Variants in EYS observed in about 807,000 individuals in gnomAD.
EYS encodes the protein protein eyes shut homolog.
EYS carries 250 observed loss-of-function variants against 282.1 expected under a neutral mutation model. The ratio of observed to expected loss-of-function variants is 0.89; its 90% CI spans 0.80 to 0.98. EYS has a LOEUF of 0.98. Among genes scored for constraint, EYS ranks in the 50% least tolerant of loss-of-function variants. The probability of loss-of-function intolerance (pLI) is 0.00; values close to 1 mark genes in which losing one functional copy is unlikely to be tolerated. For synonymous variants in EYS, 1,355 were observed against 1,282.9 expected, an observed-to-expected ratio of 1.06 and a Z score of -1.20; for missense variants, 4,016 against 3,709.0, an observed-to-expected ratio of 1.08 and a Z score of -2.15.
intron 8 of EYS, among the ~76,000 whole-genome samples, chr6:65,354,758 G>C (rs112864047): frequency 6.6e-6 from 1 of 151,822 alleles, no homozygotes; most frequent in African/African-American, 2.4e-5. Context: ...CAGAGATTGC[G>C]GTGAGCTGAG....
chr6:63,883,337 A>C (rs944594190), intron 35 of EYS, among the ~76,000 whole-genome samples: 1 of 152,158 alleles, frequency 6.6e-6, no homozygotes, highest in Non-Finnish European at 1.5e-5. Flanking sequence ...TAATGTAACT[A>C]TGCTGACAGT....
intron 8 of EYS, among the ~76,000 whole-genome samples, chr6:65,357,144 T>A (rs1764516446): frequency 6.6e-6 from 1 of 151,972 alleles, no homozygotes; most frequent in African/African-American, 2.4e-5. Flanking sequence ...GTTGAGAGGC[T>A]CATCATTTCT....
At chr6:65,364,455 A>T (rs12210090) in intron 8 of EYS, among the ~76,000 whole-genome samples, 1 of 151,488 alleles carries the variant, frequency 6.6e-6, no homozygotes, top group East Asian at 1.9e-4. Flanking sequence ...AAATTTTTTC[A>T]AATAGTCCAC....
intron 26 of EYS, among the ~76,000 whole-genome samples, chr6:64,453,914 G>A (rs1376127527): frequency 1.3e-5 from 2 of 152,010 alleles, no homozygotes; most frequent in African/African-American, 2.4e-5. Flanking sequence ...GCTAAATGAC[G>A]AGTTAATGTG....
chr6:65,170,517 A>G (rs1172325180), intron 12 of EYS, among the ~76,000 whole-genome samples: 1 of 151,558 alleles, frequency 6.6e-6, no homozygotes, highest in Non-Finnish European at 1.5e-5. Flanking sequence ...AGAATTTATT[A>G]CAATTTCTGG....
intron 36 of EYS, among the ~76,000 whole-genome samples, chr6:63,830,501 A>G (rs1771599451): frequency 6.6e-6 from 1 of 152,172 alleles, no homozygotes; most frequent in Non-Finnish European, 1.5e-5. Flanking sequence ...GAAATGAAGC[A>G]AGAAGAGAAG....
chr6:64,033,875 G>T (rs1769987081), intron 33 of EYS, among the ~76,000 whole-genome samples: 1 of 150,740 alleles, frequency 6.6e-6, no homozygotes. Context: ...ATTGGGAGTG[G>T]ACTTACATTG....
chr6:64,662,662 C>T (rs1051694097), intron 22 of EYS, among the ~76,000 whole-genome samples: 1 of 152,112 alleles, frequency 6.6e-6, no homozygotes, highest in Non-Finnish European at 1.5e-5. Context: ...CAAATTTAGC[C>T]TTGCTTCGCT....
intron 35 of EYS, among the ~76,000 whole-genome samples, chr6:63,923,072 CTAAAG>C (rs1417913993): frequency 6.6e-6 from 1 of 152,098 alleles, no homozygotes; most frequent in Admixed American, 6.5e-5. Flanking sequence ...TGTAAGTTTG[CTAAAG>C]TAATGTTTCA....
intron 26 of EYS, among the ~76,000 whole-genome samples, chr6:64,449,015 T>G (rs572640219): frequency 6.6e-6 from 1 of 152,246 alleles, no homozygotes; most frequent in South Asian, 2.1e-4. Flanking sequence ...AGAATGACTT[T>G]GATGAGTTGA....
intron 12 of EYS, among the ~76,000 whole-genome samples, chr6:65,294,216 C>T (rs1466998219): frequency 1.3e-5 from 2 of 151,658 alleles, no homozygotes; most frequent in Non-Finnish European, 2.9e-5. Flanking sequence ...AAAGATTCCA[C>T]TTTTTGTGGG....
rs563452977 is a variant in EYS, at chr6:65,244,363, C to T, written c.2023+51500G>A. Among the ~76,000 whole-genome samples the T allele has an allele frequency of 7.5e-4, 114 of 152,206 alleles. 1 individual carries two copies. Among genetic ancestry groups the T allele is most frequent in the African/African-American group, 2.7e-3 (111 of 41,548 alleles). ...TCACTTTACCTACAAATTAAATTAG[C>T]ACATAAGTTATTCTTTAAAACCTAC... is the stretch of plus-strand genomic sequence containing the variant. On this transcript the variant is annotated intron_variant, in intron 12 of 42. Transcript: ENST00000503581.
chr6:64,157,494 C>T (rs183083712), intron 31 of EYS, among the ~76,000 whole-genome samples: 291 of 152,246 alleles, frequency 1.9e-3, no homozygotes, highest in Admixed American at 4.8e-3. Context: ...CAGGGCATGC[C>T]AGAAGTCTTC....
chr6:64,535,333 C>T (rs761722332), intron 26 of EYS, among the ~76,000 whole-genome samples: 13 of 152,032 alleles, frequency 8.6e-5, no homozygotes. Context: ...CATAAATGAA[C>T]AAATCTCATT....
chr6:64,891,682 C>T (rs1334802083), intron 18 of EYS, among the ~76,000 whole-genome samples: 3 of 151,994 alleles, frequency 2.0e-5, no homozygotes, highest in Non-Finnish European at 4.4e-5. Context: ...AAATGTAAAC[C>T]TGATTTTTAT....
At chr6:64,694,778 C>T (rs1770517819) in intron 22 of EYS, among the ~76,000 whole-genome samples, 1 of 152,142 alleles carries the variant, frequency 6.6e-6, no homozygotes, top group African/African-American at 2.4e-5. Flanking sequence ...GAGACTGGAT[C>T]AGGAGAAGTT....
intron 31 of EYS, among the ~76,000 whole-genome samples, chr6:64,099,518 A>G (rs1447594362): frequency 2.6e-5 from 4 of 152,150 alleles, no homozygotes; most frequent in African/African-American, 7.2e-5. Flanking sequence ...TCACAATTCA[A>G]TCTATGAGGA....
At chr6:64,469,069 C>A (rs1265326565) in intron 26 of EYS, among the ~76,000 whole-genome samples, 1 of 152,096 alleles carries the variant, frequency 6.6e-6, no homozygotes, top group African/African-American at 2.4e-5. Flanking sequence ...GAGAAATTGC[C>A]AAACTGGTTT....
intron 16 of EYS, among the ~76,000 whole-genome samples, chr6:64,909,841 G>A (rs930708382): frequency 1.3e-5 from 2 of 152,188 alleles, no homozygotes; most frequent in East Asian, 1.9e-4. Flanking sequence ...TGCTAAGCAT[G>A]CAGTCTGACG....
Sources: allele counts gnomAD v4.1 joint callset (sites outside exome capture counted in the v4.1 genomes callset), GRCh38; gene constraint gnomAD v4.1.1; transcripts MANE v1.5; gene names NCBI Gene and HGNC (gene_info 2026-07-23, HGNC 2026-07-21).